Variants in NRXN3 observed in about 807,000 individuals in gnomAD.
NRXN3 encodes neurexin 3, also known as neurexin III.
NRXN3 carries 32 observed loss-of-function variants against 137.6 expected under a neutral mutation model. The observed-to-expected ratio is 0.23, with a 90% confidence interval of 0.18 to 0.31. The LOEUF (loss-of-function observed/expected upper bound fraction) is 0.31, where lower values mean the gene tolerates loss of function less well. NRXN3 is among the 10% of genes least tolerant of loss of function. NRXN3 has a pLI of 1.00. For synonymous variants in NRXN3, 798 were observed against 784.5 expected, an observed-to-expected ratio of 1.02 and a Z score of -0.29; for missense variants, 1,574 against 2,062.5, an observed-to-expected ratio of 0.76 and a Z score of 4.59.
chr14:79,314,746 G>A (rs375963141), intron 15 of NRXN3, among the ~76,000 whole-genome samples: 15 of 146,994 alleles, frequency 1.0e-4, no homozygotes, highest in Non-Finnish European at 1.8e-4. Context: ...TCCTCAAGTG[G>A]GTCCCTGACC....
intron 4 of NRXN3, among the ~76,000 whole-genome samples, chr14:78,359,262 T>C (rs1234528495): frequency 1.3e-5 from 2 of 152,282 alleles, no homozygotes; most frequent in Middle Eastern, 3.4e-3. Context: ...TGTATGGTTC[T>C]CAGCCCCCCA....
At chr14:78,683,912 G>C (rs944149170) in intron 6 of NRXN3, among the ~76,000 whole-genome samples, 1 of 152,030 alleles carries the variant, frequency 6.6e-6, no homozygotes, top group Non-Finnish European at 1.5e-5. Flanking sequence ...ATGATTCCCT[G>C]GTGGAATTTG....
intron 19 of NRXN3, among the ~76,000 whole-genome samples, chr14:79,702,484 A>T (rs190696643): frequency 2.6e-5 from 4 of 152,122 alleles, no homozygotes; most frequent in Admixed American, 2.6e-4. Flanking sequence ...ACAATTGGAC[A>T]GGTGGTGAGA....
At chr14:79,754,764 G>A (rs2099013468) in intron 19 of NRXN3, among the ~76,000 whole-genome samples, 1 of 151,826 alleles carries the variant, frequency 6.6e-6, no homozygotes, top group South Asian at 2.1e-4. Flanking sequence ...TGTAATCCCT[G>A]TTTGTTGTGG....
chr14:78,185,925 T>G (rs2060191318), intron 1 of NRXN3, among the ~76,000 whole-genome samples: 1 of 152,140 alleles, frequency 6.6e-6, no homozygotes, highest in Non-Finnish European at 1.5e-5. Context: ...ACACAAGCAT[T>G]TGGACTTTAG....
chr14:79,077,419 C>G (rs993564091), intron 15 of NRXN3, among the ~76,000 whole-genome samples: 1 of 152,106 alleles, frequency 6.6e-6, no homozygotes, highest in Non-Finnish European at 1.5e-5. Context: ...TTTTTTTCCT[C>G]TTCTTTTCCT....
intron 19 of NRXN3, among the ~76,000 whole-genome samples, chr14:79,743,863 G>A (rs1400553028): frequency 6.6e-6 from 1 of 152,088 alleles, no homozygotes. Context: ...AGGCCTCTGG[G>A]CCCTCACTAG....
intron 15 of NRXN3, chr14:79,248,842 G>GGCACTTTT (rs2075560481): frequency 6.6e-6 from 1 of 152,224 alleles, no homozygotes; most frequent in South Asian, 2.1e-4. Flanking sequence ...TTTTGGAGCA[G>GGCACTTTT]AAAGCAGGCA....
At chr14:79,499,077 G>C (rs970843017) in intron 16 of NRXN3, among the ~76,000 whole-genome samples, 3 of 152,094 alleles carry the variant, frequency 2.0e-5, no homozygotes, top group African/African-American at 4.8e-5. Context: ...AGCCAGAATG[G>C]TATTTTTTAA....
intron 19 of NRXN3, among the ~76,000 whole-genome samples, chr14:79,699,794 C>T (rs1016935718): frequency 4.6e-5 from 7 of 151,986 alleles, no homozygotes; most frequent in African/African-American, 9.7e-5. Context: ...CAGTAATTAT[C>T]GAACTACATC....
Position 79,864,459 on chromosome 14 carries a change from G to GA in NRXN3, c.*2499dup, listed in dbSNP as rs1214248711. 3.9e-5 allele frequency: 6 copies of GA among 152,534 alleles called. No homozygotes were observed. Among genetic ancestry groups the GA allele is most frequent in the African/African-American group, 1.2e-4 (5 of 41,416 alleles). 9.4% of individuals were successfully genotyped at this position (152,534 alleles called of 1,614,324 possible). On this transcript the variant is annotated 3_prime_UTR_variant, in exon 21 of 21. Coordinates refer to ENST00000335750, the MANE Select transcript of NRXN3 (RefSeq NM_001330195.2). ...GCACTTTTATTTTCTTAACATTTGA[G>GA]AAAATCTCGCACTGAAGCTAATTAT... is the stretch of plus-strand genomic sequence containing the variant.
intron 17 of NRXN3, among the ~76,000 whole-genome samples, chr14:79,681,674 A>T (rs748889558): frequency 6.6e-6 from 1 of 152,044 alleles, no homozygotes. Context: ...GAAAAGATAG[A>T]TTCAAACTGT....
chr14:78,778,788 CTTT>C (rs2098756945), intron 8 of NRXN3, among the ~76,000 whole-genome samples: 1 of 125,536 alleles, frequency 8.0e-6, no homozygotes, highest in Admixed American at 8.5e-5. Flanking sequence ...TTCTTTCTTT[CTTT>C]CTTTCTTTCT....
intron 15 of NRXN3, among the ~76,000 whole-genome samples, chr14:79,193,611 C>A (rs2064722312): frequency 1.3e-5 from 2 of 152,080 alleles, no homozygotes; most frequent in South Asian, 4.1e-4. Flanking sequence ...AGGCCCCTCT[C>A]AAGTGAAATT....
At chr14:79,579,683 A>G (rs2097697263) in intron 16 of NRXN3, among the ~76,000 whole-genome samples, 1 of 152,072 alleles carries the variant, frequency 6.6e-6, no homozygotes, top group South Asian at 2.1e-4. Context: ...GATATATAAT[A>G]TTTTACATAT....
intron 10 of NRXN3, among the ~76,000 whole-genome samples, chr14:78,832,758 C>A (rs948864962): frequency 2.0e-4 from 30 of 152,296 alleles, no homozygotes; most frequent in African/African-American, 6.0e-4. Flanking sequence ...ATACTGGAAT[C>A]ATAGAAAACT....
At chr14:79,153,388 G>A (rs572451261) in intron 15 of NRXN3, among the ~76,000 whole-genome samples, 8 of 152,054 alleles carry the variant, frequency 5.3e-5, no homozygotes, top group East Asian at 1.9e-4. Flanking sequence ...TAAAAGACAA[G>A]CATTTCCTCT....
intron 15 of NRXN3, among the ~76,000 whole-genome samples, chr14:79,271,771 G>A (rs2079371931): frequency 6.6e-6 from 1 of 152,036 alleles, no homozygotes; most frequent in Non-Finnish European, 1.5e-5. Context: ...ACCCCTCATT[G>A]ATAATCTTCT....
intron 20 of NRXN3, among the ~76,000 whole-genome samples, chr14:79,839,749 G>T (rs1442511160): frequency 6.6e-6 from 1 of 152,132 alleles, no homozygotes; most frequent in African/African-American, 2.4e-5. Flanking sequence ...TTTCCCCAAT[G>T]TTCTCTTCTA....
Sources: allele counts gnomAD v4.1 joint callset (sites outside exome capture counted in the v4.1 genomes callset), GRCh38; gene constraint gnomAD v4.1.1; transcripts MANE v1.5; gene names NCBI Gene and HGNC (gene_info 2026-07-23, HGNC 2026-07-21).